The following PDZD2 variants were observed in gnomAD, a reference collection of about 807,000 sequenced individuals.
PDZD2 encodes PDZ domain-containing protein 2.
Under a neutral mutation model 220.7 loss-of-function variants are expected in PDZD2, and 90 were observed. The ratio of observed to expected loss-of-function variants is 0.41; its 90% confidence interval spans 0.34 to 0.49. PDZD2 has a LOEUF of 0.49. Ranked by LOEUF, PDZD2 falls within the 20% of genes least tolerant of loss-of-function variation. The pLI, the probability that PDZD2 is intolerant of heterozygous loss-of-function variation, is 0.28. For synonymous variants in PDZD2, 1,375 were observed against 1,450.5 expected, an observed-to-expected ratio of 0.95 and a Z score of 1.18; for missense variants, 3,174 against 3,608.5, an observed-to-expected ratio of 0.88 and a Z score of 3.08.
At chr5:31,725,056 C>T (rs571340935) in intron 1 of PDZD2, among the ~76,000 whole-genome samples, 1 of 152,050 alleles carries the variant, frequency 6.6e-6, no homozygotes, top group East Asian at 1.9e-4. Context: ...CTCAGCCAGG[C>T]ACGGTGGCTC....
In PDZD2 at chr5:31,646,952, A is replaced by T. The variant is rs1222583326; in HGVS notation, c.-361+7515A>T. Among the ~76,000 whole-genome samples the T allele has an allele frequency of 6.6e-6, 1 of 152,184 alleles. No individual in the cohort carries two copies. Among genetic ancestry groups the T allele is most frequent in the Non-Finnish European group, 1.5e-5 (1 of 68,038 alleles). ...TGGCACAAGGAGAGGAAGGTACTGG[A>T]AAGAATTGCATTAACTCCTCTCTGG... On this transcript the variant is annotated intron_variant, in intron 1 of 24. Transcript: ENST00000438447. The surrounding 1 kb of genome is among the most constrained non-coding windows in gnomAD (Gnocchi z 4.7).
At chr5:31,870,888 C>CA (rs71614289) in intron 2 of PDZD2, among the ~76,000 whole-genome samples, 6,028 of 63,924 alleles carry the variant, frequency 0.094, 293 homozygotes, top group African/African-American at 0.22. Context: ...GACTCTGTCT[C>CA]AAAAAAAAAA....
chr5:31,820,291 G>A (rs1373088245), intron 2 of PDZD2, among the ~76,000 whole-genome samples: 1 of 152,198 alleles, frequency 6.6e-6, no homozygotes, highest in African/African-American at 2.4e-5. Context: ...TTGCAGGCTT[G>A]GTTCATCTAG....
chr5:31,817,716 T>C (rs765485423), intron 2 of PDZD2, among the ~76,000 whole-genome samples: 4 of 152,104 alleles, frequency 2.6e-5, no homozygotes. Context: ...CAGGCTGGAA[T>C]GCAGTGGTGC....
intron 6 of PDZD2, among the ~76,000 whole-genome samples, chr5:32,030,355 C>T (rs1182354974): frequency 2.6e-5 from 4 of 152,226 alleles, no homozygotes; most frequent in South Asian, 4.1e-4. Flanking sequence ...ATACCTCTGC[C>T]GCCTCTTCCT....
At position 31,893,558 on chromosome 5, in the gene PDZD2, A is replaced by G. The variant is rs578005044; in HGVS notation, c.477-89597A>G. ...GCAGTCCAGCCTGGGTGACAGAGCGAGACTCTGTCTCAAAACAAACAAAAA... is the reference window on the plus strand; with the variant it reads ...GCAGTCCAGCCTGGGTGACAGAGCGGGACTCTGTCTCAAAACAAACAAAAA... On this transcript the variant is annotated intron_variant, in intron 2 of 24. Coordinates refer to ENST00000438447, the MANE Select transcript of PDZD2 (RefSeq NM_178140.4). Among the ~76,000 whole-genome samples the G allele has an allele frequency of 4.7e-5, 7 of 150,046 alleles. No individual in the cohort carries two copies. The East Asian group carries it at 1.4e-3, about 30-fold the overall frequency.
At chr5:31,893,304 C>T (rs1223198555) in intron 2 of PDZD2, among the ~76,000 whole-genome samples, 1 of 152,144 alleles carries the variant, frequency 6.6e-6, no homozygotes. Context: ...GGCGCGGTGG[C>T]TCGTGCCTGT....
At chr5:31,830,222 G>C (rs1255820700) in intron 2 of PDZD2, among the ~76,000 whole-genome samples, 1 of 149,002 alleles carries the variant, frequency 6.7e-6, no homozygotes, top group Non-Finnish European at 1.5e-5. Context: ...CTGGAGTGCA[G>C]TGGAGCGATC....
At chr5:31,971,657 C>A (rs145941726) in intron 2 of PDZD2, among the ~76,000 whole-genome samples, 71 of 152,296 alleles carry the variant, frequency 4.7e-4, no homozygotes, top group African/African-American at 1.6e-3. Flanking sequence ...CACTGGAATT[C>A]CTGTAGATGT....
intron 1 of PDZD2, among the ~76,000 whole-genome samples, chr5:31,671,344 T>C (rs1392863606): frequency 6.6e-6 from 1 of 152,318 alleles, no homozygotes; most frequent in South Asian, 2.1e-4. Flanking sequence ...ACGTCTTCCT[T>C]ATTCTCACTG....
chr5:31,794,550 A>G (rs1348845388), intron 1 of PDZD2, among the ~76,000 whole-genome samples: 4 of 151,340 alleles, frequency 2.6e-5, no homozygotes, highest in Admixed American at 6.6e-5. Flanking sequence ...ACGGGCGCCC[A>G]CCACCACTCC....
chr5:32,054,995 C>T (rs920051623), intron 10 of PDZD2, among the ~76,000 whole-genome samples: 1 of 152,136 alleles, frequency 6.6e-6, no homozygotes, highest in African/African-American at 2.4e-5. Context: ...CACTTTCCCA[C>T]CTTACTTGAG....
intron 1 of PDZD2, among the ~76,000 whole-genome samples, chr5:31,640,399 A>C (rs756772117): frequency 6.6e-6 from 1 of 152,166 alleles, no homozygotes; most frequent in African/African-American, 2.4e-5. Context: ...TGGGGGATGG[A>C]GCTGAGTCTG....
intron 2 of PDZD2, among the ~76,000 whole-genome samples, chr5:31,912,900 G>A (rs58808503): frequency 0.12 from 17,880 of 152,232 alleles, 1,366 homozygotes; most frequent in East Asian, 0.34. Context: ...CCCACATGCT[G>A]AGTGCAAGGA....
intron 6 of PDZD2, among the ~76,000 whole-genome samples, chr5:32,031,965 T>C (rs1755155877): frequency 6.6e-6 from 1 of 152,266 alleles, no homozygotes; most frequent in Non-Finnish European, 1.5e-5. Context: ...ATACTCTGCA[T>C]ACACCTCCTG....
In PDZD2 at chr5:31,976,865, G is replaced by C. The variant is rs192812536; in HGVS notation, c.477-6290G>C. Among the ~76,000 whole-genome samples the C allele has an allele frequency of 1.9e-3, 281 of 151,366 alleles. 5 individuals carry two copies. The highest frequency in any genetic ancestry group is 0.018 in the Admixed American group (276 of 15,202). ...CCTGAGCAGCTGGGATTACAGGCAC[G>C]TGCTACCACGCCCGGCTAATTTTTG... On this transcript the variant is annotated intron_variant, in intron 2 of 24. Coordinates refer to ENST00000438447, the MANE Select transcript of PDZD2 (RefSeq NM_178140.4).
intron 1 of PDZD2, among the ~76,000 whole-genome samples, chr5:31,689,587 GT>G (rs1017821262): frequency 2.0e-5 from 3 of 151,602 alleles, no homozygotes; most frequent in Non-Finnish European, 4.4e-5. Flanking sequence ...AAGAATATTG[GT>G]GTTAGATTTA....
At chr5:31,654,238 G>GAC (rs1745459856) in intron 1 of PDZD2, among the ~76,000 whole-genome samples, 1 of 152,108 alleles carries the variant, frequency 6.6e-6, no homozygotes, top group East Asian at 1.9e-4. Flanking sequence ...CAAAGCATTT[G>GAC]ACACACACAC....
At chr5:32,070,893 G>A (rs1305647934) in intron 15 of PDZD2, among the ~76,000 whole-genome samples, 1 of 84,116 alleles carries the variant, frequency 1.2e-5, no homozygotes, top group Non-Finnish European at 2.3e-5. Flanking sequence ...TACCCGGGAG[G>A]CTGAGACAGG....
Sources: gnomAD v4.1 joint callset for allele counts (sites outside exome capture counted in the v4.1 genomes callset) on GRCh38, gnomAD v4.1.1 for gene constraint, Gnocchi (gnomAD v3.1) non-coding constraint, MANE v1.5 for transcripts, NCBI Gene and HGNC (gene_info 2026-07-23, HGNC 2026-07-21) for gene names.